Variants in ATP8A1 observed in about 807,000 individuals in gnomAD.
ATP8A1 encodes the protein phospholipid-transporting ATPase IA.
In ATP8A1, 90 loss-of-function variants were observed where a neutral mutation model predicts 177.7. The observed-to-expected ratio is 0.51, with a 90% CI of 0.43 to 0.60. The LOEUF is 0.60. ATP8A1 is among the 20% of genes least tolerant of loss of function. The probability of loss-of-function intolerance (pLI) is 0.00; values close to 1 mark genes in which losing one functional copy is unlikely to be tolerated. For missense variants in ATP8A1, 1,072 were observed against 1,392.8 expected (o/e 0.77, Z 3.67); for synonymous variants, 493 against 485.9 (o/e 1.01, Z -0.19).
intron 1 of ATP8A1, among the ~76,000 whole-genome samples, chr4:42,638,123 T>G (rs1739576207): frequency 6.6e-6 from 1 of 152,214 alleles, no homozygotes; most frequent in African/African-American, 2.4e-5. Context: ...ATTTTCTATT[T>G]CAATATAAGG....
chr4:42,494,020 G>A (rs562079417), intron 24 of ATP8A1, among the ~76,000 whole-genome samples: 1 of 151,910 alleles, frequency 6.6e-6, no homozygotes, highest in Admixed American at 6.6e-5. Context: ...TGGCCAACAT[G>A]GTGAAACCCC....
chr4:42,655,382 G>A (rs1741513415), intron 1 of ATP8A1, among the ~76,000 whole-genome samples: 1 of 152,128 alleles, frequency 6.6e-6, no homozygotes, highest in Non-Finnish European at 1.5e-5. Flanking sequence ...GTTTTGCAGT[G>A]CTCTCAGACT....
intron 1 of ATP8A1, among the ~76,000 whole-genome samples, chr4:42,636,699 G>A (rs1267634782): frequency 6.6e-6 from 1 of 152,090 alleles, no homozygotes; most frequent in Non-Finnish European, 1.5e-5. Flanking sequence ...GCTCTTTCCA[G>A]CTCGGCATCT....
intron 35 of ATP8A1, chr4:42,415,006 G>C: frequency 2.9e-6 from 1 of 346,112 alleles, no homozygotes; most frequent in Non-Finnish European, 5.3e-6. Context: ...TAAGTCAAAT[G>C]GCAACACAGA....
Position 42,414,733 on chromosome 4 carries a change from C to T in ATP8A1, c.3306-15G>A. On this transcript the variant is annotated splice_polypyrimidine_tract_variant and intron_variant, in intron 35 of 36. Transcript: ENST00000381668. ...TCTCGGTCAGGCTGCAGAGCAGGTG[C>T]AAATGTGTGAAATGAATTATCAACT... 2 of 1,607,796 alleles carry T rather than the reference C, an allele frequency of 1.2e-6. No individual in the cohort carries two copies. Among genetic ancestry groups the T allele is most frequent in the Non-Finnish European group, 1.7e-6 (2 of 1,174,402 alleles).
At chr4:42,492,098 G>A (rs1022413189) in intron 24 of ATP8A1, among the ~76,000 whole-genome samples, 2 of 152,006 alleles carry the variant, frequency 1.3e-5, no homozygotes, top group African/African-American at 2.4e-5. Flanking sequence ...TGTCCCAGAG[G>A]GTGTCTATCA....
chr4:42,488,911 T>C (rs957149124), intron 24 of ATP8A1, among the ~76,000 whole-genome samples: 9 of 152,186 alleles, frequency 5.9e-5, no homozygotes, highest in African/African-American at 2.2e-4. Flanking sequence ...GTGTCTGCAA[T>C]TACAGATGCT....
chr4:42,504,149 A>G (rs1724129801), intron 23 of ATP8A1, among the ~76,000 whole-genome samples: 1 of 152,186 alleles, frequency 6.6e-6, no homozygotes, highest in Admixed American at 6.5e-5. Flanking sequence ...ATGTGAGTAC[A>G]CTGCCTTTGT....
chr4:42,474,665 A>ATTC (rs1720854914), intron 25 of ATP8A1, among the ~76,000 whole-genome samples: 1 of 152,198 alleles, frequency 6.6e-6, no homozygotes, highest in Non-Finnish European at 1.5e-5. Context: ...ATCAGAGTGC[A>ATTC]GCTGCCTCTA....
intron 30 of ATP8A1, among the ~76,000 whole-genome samples, chr4:42,447,715 C>G (rs1009126801): frequency 6.6e-6 from 1 of 152,148 alleles, no homozygotes. Flanking sequence ...GGATGAAACA[C>G]AGAGAGTGGT....
intron 22 of ATP8A1, among the ~76,000 whole-genome samples, chr4:42,510,913 A>G (rs1724938607): frequency 6.6e-6 from 1 of 152,248 alleles, no homozygotes; most frequent in Admixed American, 6.5e-5. Flanking sequence ...TAGGGCCAGC[A>G]AGGTATGCTG....
At chr4:42,546,420 G>A (rs566452272) in intron 19 of ATP8A1, among the ~76,000 whole-genome samples, 2 of 131,818 alleles carry the variant, frequency 1.5e-5, no homozygotes, top group South Asian at 5.9e-4. Context: ...ATCACACACC[G>A]GGGACTGTTG....
chr4:42,519,632 G>C (rs1376524026), intron 22 of ATP8A1, among the ~76,000 whole-genome samples: 1 of 152,142 alleles, frequency 6.6e-6, no homozygotes, highest in Non-Finnish European at 1.5e-5. Flanking sequence ...TGAACTGCTT[G>C]ATGAAAGTTA....
chr4:42,634,171 T>C (rs1013347700), intron 1 of ATP8A1, among the ~76,000 whole-genome samples: 63 of 152,208 alleles, frequency 4.1e-4, no homozygotes, highest in African/African-American at 1.5e-3. Context: ...AGGAAGTGGA[T>C]GCATACATTA....
At chr4:42,654,970 CAG>C (rs1190396881) in intron 1 of ATP8A1, among the ~76,000 whole-genome samples, 2 of 152,212 alleles carry the variant, frequency 1.3e-5, no homozygotes, top group East Asian at 1.9e-4. Context: ...GCCAGCCCCA[CAG>C]AGTCATTATT....
intron 27 of ATP8A1, among the ~76,000 whole-genome samples, chr4:42,464,140 TTAA>T (rs1292483895): frequency 1.3e-5 from 2 of 152,240 alleles, no homozygotes; most frequent in Non-Finnish European, 2.9e-5. Flanking sequence ...TTATACATTA[TTAA>T]TAATGTATTT....
At chr4:42,427,459 A>T (rs1714753060) in intron 33 of ATP8A1, among the ~76,000 whole-genome samples, 3 of 152,236 alleles carry the variant, frequency 2.0e-5, no homozygotes, top group South Asian at 4.1e-4. Context: ...ATTAGATCAG[A>T]TTTTAAAAAT....
intron 20 of ATP8A1, among the ~76,000 whole-genome samples, chr4:42,530,856 C>A (rs1055971015): frequency 6.7e-6 from 1 of 149,292 alleles, no homozygotes; most frequent in African/African-American, 2.6e-5. Flanking sequence ...GTGGAAGTGG[C>A]ACCACTCACC....
At chr4:42,639,509 G>A (rs1452428024) in intron 1 of ATP8A1, among the ~76,000 whole-genome samples, 1 of 152,178 alleles carries the variant, frequency 6.6e-6, no homozygotes, top group Non-Finnish European at 1.5e-5. Flanking sequence ...GACTGGAAAG[G>A]TTAGAATGAA....
Sources: allele counts gnomAD v4.1 joint callset (sites outside exome capture counted in the v4.1 genomes callset), GRCh38; gene constraint gnomAD v4.1.1; transcripts MANE v1.5; gene names NCBI Gene and HGNC (gene_info 2026-07-23, HGNC 2026-07-21).